PROSER1: variants seen among roughly 807,000 people sequenced by gnomAD.
PROSER1 encodes proline and serine-rich protein 1.
In PROSER1, 36 loss-of-function variants were observed where a neutral mutation model predicts 71.8. That is an observed-to-expected ratio of 0.50 (90% CI 0.38 to 0.66). The LOEUF is 0.66. Among genes scored for constraint, PROSER1 ranks in the 30% least tolerant of loss-of-function variants. The pLI is 0.00. For missense variants in PROSER1, 1,107 were observed against 1,135.0 expected (o/e 0.98, Z 0.35); for synonymous variants, 490 against 452.4 (o/e 1.08, Z -1.06).
intron 6 of PROSER1, among the ~76,000 whole-genome samples, chr13:39,025,139 G>C (rs1380448996): frequency 3.3e-5 from 5 of 152,156 alleles, no homozygotes; most frequent in Admixed American, 2.6e-4. Flanking sequence ...AAGAATAAGA[G>C]TACCTATGTT....
At position 39,014,258 on chromosome 13, in the gene PROSER1, G is replaced by C; in HGVS notation, c.994C>G (p.Pro332Ala). ...GGGGTTCTGATAACTGTTGGGTTTG[G>C]TATTGATGGCTGAGGTGTGTGAACG... ...SAVHTPQPSI[P>A]NPTVIRTPSL... Residue 332 changes from proline to alanine, a missense_variant, in exon 11 of 13, where the codon CCA (proline) becomes GCA (alanine). Coordinates refer to ENST00000352251, the MANE Select transcript of PROSER1 (RefSeq NM_025138.5). 1 of 1,614,148 alleles carries C rather than the reference G, an allele frequency of 6.2e-7. No homozygotes were observed. The highest frequency in any genetic ancestry group is 1.7e-5 in the Admixed American group (1 of 60,022).
At position 39,037,995 on chromosome 13, in the gene PROSER1, C is replaced by G. The variant is rs1462593766; in HGVS notation, c.-753G>C. 1 of 152,594 alleles carries G rather than the reference C, an allele frequency of 6.6e-6. No homozygotes were observed. Among genetic ancestry groups the G allele is most frequent in the Non-Finnish European group, 1.5e-5 (1 of 68,412 alleles). 9.5% of individuals were successfully genotyped at this position (152,594 alleles called of 1,614,324 possible). A position where few individuals can be genotyped will look rare whatever the true frequency, so the allele number is the denominator to read the frequency against. On this transcript the variant is annotated 5_prime_UTR_variant, in exon 1 of 13. Transcript: ENST00000352251. ...GCGCCAGACGCCCTGCCTGGTTACC[C>G]CTACAGCCCCCACCAGCTCATGGGG...
In PROSER1 at chr13:39,037,890, G is replaced by A. The variant is rs1871226668; in HGVS notation, c.-648C>T. On this transcript the variant is annotated 5_prime_UTR_variant, in exon 1 of 13. Coordinates refer to ENST00000352251, the MANE Select transcript of PROSER1 (RefSeq NM_025138.5). ...TGCTGCAGCTTCCGGGAGCGGGCCG[G>A]CGGCTGGGGAGCACCAGGAGCCGGG... 1 of 152,556 alleles carries A rather than the reference G, an allele frequency of 6.6e-6. No individual in the cohort carries two copies. The highest frequency in any genetic ancestry group is 6.5e-5 in the Admixed American group (1 of 15,284). 9.5% of individuals were successfully genotyped at this position (152,556 alleles called of 1,614,324 possible).
intron 8 of PROSER1, 33 bp from the exon 9 acceptor site, chr13:39,022,445 C>G (rs1296168454): frequency 3.5e-6 from 5 of 1,418,542 alleles, no homozygotes; most frequent in African/African-American, 2.8e-5. Flanking sequence ...AAAAATATAC[C>G]TTAGGACTGT....
chr13:39,029,939 G>A (rs1397337451), intron 3 of PROSER1, among the ~76,000 whole-genome samples: 2 of 152,158 alleles, frequency 1.3e-5, no homozygotes, highest in East Asian at 1.9e-4. Flanking sequence ...TGTGTGGAAT[G>A]TTACATAATT....
At chr13:39,029,889 G>A (rs1395993619) in intron 3 of PROSER1, among the ~76,000 whole-genome samples, 4 of 152,134 alleles carry the variant, frequency 2.6e-5, no homozygotes, top group Non-Finnish European at 5.9e-5. Flanking sequence ...AGAACTTTAA[G>A]TCTTATTTTA....
At chr13:39,022,278 C>T (rs1870326669) in intron 9 of PROSER1, 48 bp downstream of exon 9, 1 of 1,222,358 alleles carries the variant, frequency 8.2e-7, no homozygotes, top group Non-Finnish European at 1.2e-6. Context: ...TCCAAGTGTA[C>T]ATTTGTATAT....
intron 6 of PROSER1, among the ~76,000 whole-genome samples, 169 bp from the exon 7 acceptor site, chr13:39,024,725 G>A (rs1177837992): frequency 2.0e-5 from 3 of 152,014 alleles, no homozygotes; most frequent in Admixed American, 2.0e-4. Context: ...CCCTGATAAG[G>A]TCCTCAATCC....
In PROSER1 at chr13:39,037,440, C is replaced by T; in HGVS notation, c.-198G>A. On this transcript the variant is annotated 5_prime_UTR_variant, in exon 1 of 13. Coordinates refer to ENST00000352251, the MANE Select transcript of PROSER1 (RefSeq NM_025138.5). Reference sequence around the variant, plus strand: ...TTCTAAAAATTGAGATTCAGAAAAACTCTTTTTATTAAAAAGAAAAAACAC... The same window carrying T: ...TTCTAAAAATTGAGATTCAGAAAAATTCTTTTTATTAAAAAGAAAAAACAC... 1.8e-6 allele frequency: 1 copy of T among 571,170 alleles called. No homozygotes were observed. Among genetic ancestry groups the T allele is most frequent in the African/African-American group, 1.9e-5 (1 of 53,166 alleles). 35.4% of individuals were successfully genotyped at this position (571,170 alleles called of 1,614,324 possible).
At chr13:39,014,668 C>T (rs570786358) in intron 10 of PROSER1, among the ~76,000 whole-genome samples, 192 bp from the exon 11 acceptor site, 55 of 152,146 alleles carry the variant, frequency 3.6e-4, no homozygotes, top group Non-Finnish European at 5.0e-4. Context: ...CAGTCAGATC[C>T]AGTTTTCGTC....
intron 7 of PROSER1, 134 bp from the exon 8 acceptor site, chr13:39,023,264 C>G: frequency 1.6e-6 from 1 of 610,816 alleles, no homozygotes; most frequent in South Asian, 2.3e-5. Flanking sequence ...CTACATGGGA[C>G]AACAAATGAG....
At chr13:39,016,647 T>C (rs1870021100) in intron 10 of PROSER1, among the ~76,000 whole-genome samples, 1 of 152,148 alleles carries the variant, frequency 6.6e-6, no homozygotes. Context: ...ATTTCCTCAA[T>C]CTCCTTTTCA....
rs537442726 is a variant in PROSER1, at chr13:39,028,986, G to C, written c.275+295C>G. On this transcript the variant is annotated intron_variant, in intron 4 of 12. Transcript: ENST00000352251. ...AAAAAAAAAATTATTGTGTCAGTAA[G>C]TGAAAGAATCTCTAATTCTTAAATT... The C allele has an allele frequency of 1.1e-3, 233 of 211,000 alleles. 1 individual carries two copies. Among genetic ancestry groups the C allele is most frequent in the African/African-American group, 5.1e-3 (223 of 43,526 alleles). 13.1% of individuals were successfully genotyped at this position (211,000 alleles called of 1,614,324 possible).
chr13:39,013,217 T>G lies in PROSER1; in HGVS notation c.2035A>C (p.Ile679Leu), dbSNP rs778431538. 79 of 1,613,438 alleles carry G rather than the reference T, an allele frequency of 4.9e-5. No homozygotes were observed. The highest frequency in any genetic ancestry group is 5.9e-5 in the Non-Finnish European group (70 of 1,179,896). Residue 679 changes from isoleucine to leucine, a missense_variant, in exon 11 of 13, where the codon ATT becomes CTT. Coordinates refer to ENST00000352251, the MANE Select transcript of PROSER1 (RefSeq NM_025138.5). ...PLNGSNPLSS[I>L]SLPPHGSSTP... ...GAGGAACCATGTGGTGGAAGGGAAATAGAGGAAAGAGGATTTGAACCATTT... is the reference window on the plus strand; with the variant it reads ...GAGGAACCATGTGGTGGAAGGGAAAGAGAGGAAAGAGGATTTGAACCATTT...
In PROSER1 at chr13:39,013,358, T is replaced by C. The variant is rs538880885; in HGVS notation, c.1894A>G (p.Thr632Ala). 6.2e-6 allele frequency: 10 copies of C among 1,614,084 alleles called. No homozygotes were observed. The Admixed American group carries it at 8.3e-5, about 13-fold the overall frequency. Residue 632 changes from threonine (T) to alanine (A), a missense_variant, in exon 11 of 13, where the codon ACT becomes GCT. Transcript: ENST00000352251. The part of the protein sequence containing the change: ...PSHSGNPSHG[T>A]LGLSGTLGRA... ...CCCAATGTCCCTGACAAACCTAAAG[T>C]GCCATGAGAGGGATTCCCAGAATGA...
chr13:39,022,242 A>C, intron 9 of PROSER1, 84 bp downstream of exon 9: 2 of 912,628 alleles, frequency 2.2e-6, no homozygotes. Flanking sequence ...CTCTGTTAGA[A>C]TACGTCATGC....
chr13:39,036,511 A>C (rs542321706), intron 1 of PROSER1, among the ~76,000 whole-genome samples: 11 of 152,188 alleles, frequency 7.2e-5, no homozygotes, highest in African/African-American at 2.4e-4. Context: ...TTTTAAAATA[A>C]GTAACTTCTC....
Position 39,023,121 on chromosome 13 carries a change from T to C in PROSER1, c.574A>G (p.Thr192Ala), listed in dbSNP as rs758697111. The C allele has an allele frequency of 6.1e-5, 98 of 1,612,626 alleles. No homozygotes were observed. Among genetic ancestry groups the C allele is most frequent in the Non-Finnish European group, 8.1e-5 (95 of 1,178,936 alleles). ...ILGPSKPPPSTYNPHKPVPYP... is the reference protein window; with the variant it reads ...ILGPSKPPPSAYNPHKPVPYP... ...GGAACAGGTTTATGTGGATTATATG[T>C]TGAAGGAGGCTAAAACATGGGGGAA... Residue 192 changes from threonine to alanine, a missense_variant, in exon 8 of 13, where the codon ACA becomes GCA. Transcript: ENST00000352251.
chr13:39,034,730 G>A (rs1159733883), intron 1 of PROSER1, among the ~76,000 whole-genome samples: 1 of 152,198 alleles, frequency 6.6e-6, no homozygotes, highest in Non-Finnish European at 1.5e-5. Flanking sequence ...GCCACTAACT[G>A]GCAGTGTAGA....
Sources: allele counts gnomAD v4.1 joint callset (sites outside exome capture counted in the v4.1 genomes callset), GRCh38; gene constraint gnomAD v4.1.1; transcripts MANE v1.5; gene names NCBI Gene and HGNC (gene_info 2026-07-23, HGNC 2026-07-21).